DOCK4: variants seen among roughly 807,000 people sequenced by gnomAD.
DOCK4 encodes dedicator of cytokinesis protein 4.
DOCK4 carries 97 observed loss-of-function variants against 268.1 expected under a neutral mutation model. The observed-to-expected ratio is 0.36, with a 90% CI of 0.31 to 0.43. DOCK4 has a LOEUF of 0.43. DOCK4 is among the 20% of genes least tolerant of loss of function. DOCK4 has a pLI of 1.00. For synonymous variants in DOCK4, 954 were observed against 887.2 expected, an observed-to-expected ratio of 1.08 and a Z score of -1.34; for missense variants, 2,145 against 2,455.7, an observed-to-expected ratio of 0.87 and a Z score of 2.67.
intron 1 of DOCK4, among the ~76,000 whole-genome samples, chr7:112,090,856 G>T (rs1168243667): frequency 6.6e-6 from 1 of 152,188 alleles, no homozygotes; most frequent in Admixed American, 6.5e-5. Flanking sequence ...ATCAATTGCA[G>T]TTCAGGGTAA....
chr7:111,895,454 T>C (rs1808664518), intron 16 of DOCK4, among the ~76,000 whole-genome samples, 158 bp downstream of exon 16: 1 of 152,176 alleles, frequency 6.6e-6, no homozygotes. Flanking sequence ...TATAACCCAA[T>C]ATAGAAACAA....
Position 111,895,795 on chromosome 7 carries a change from G to A in DOCK4, c.1481-77C>T, listed in dbSNP as rs144528945. On this transcript the variant is annotated intron_variant, in intron 15 of 52. Coordinates refer to ENST00000428084, the MANE Select transcript of DOCK4 (RefSeq NM_001363540.2). ...TAGTTTGTCAAGAAGCATAATCATC[G>A]AGAAATATAACTCATACACAACAGT... is the stretch of plus-strand genomic sequence containing the variant. 65 of 1,373,666 alleles carry A rather than the reference G, an allele frequency of 4.7e-5. 1 individual carries two copies. In the Middle Eastern group the frequency reaches 5.4e-4, roughly 11 times the overall value. The allele number at this position is 1,373,666 out of a possible 1,614,324, so 85.1% of individuals were successfully genotyped here.
chr7:111,841,713 T>C (rs1803711204), intron 25 of DOCK4, among the ~76,000 whole-genome samples: 1 of 152,140 alleles, frequency 6.6e-6, no homozygotes, highest in Admixed American at 6.5e-5. Context: ...GCAGGAAGGA[T>C]TCTCTTCATG....
intron 26 of DOCK4, among the ~76,000 whole-genome samples, chr7:111,828,504 T>C (rs1036900818): frequency 1.5e-4 from 23 of 152,210 alleles, no homozygotes; most frequent in African/African-American, 5.6e-4. Flanking sequence ...TTTACCTTTC[T>C]TTGAACTGTT....
intron 45 of DOCK4, 40 bp from the exon 46 acceptor site, chr7:111,741,701 A>G: frequency 6.2e-7 from 1 of 1,601,214 alleles, no homozygotes; most frequent in Non-Finnish European, 8.5e-7. Context: ...TACAGTAATG[A>G]TTTGGGCAAA....
At chr7:112,146,057 C>G (rs1815461334) in intron 1 of DOCK4, among the ~76,000 whole-genome samples, 1 of 152,104 alleles carries the variant, frequency 6.6e-6, no homozygotes, top group South Asian at 2.1e-4. Flanking sequence ...ATAACGAAGC[C>G]AAGGATCCAA....
At chr7:111,976,889 CCATTTAATAT>C in intron 8 of DOCK4, 1 of 336,502 alleles carries the variant, frequency 3.0e-6, no homozygotes, top group Non-Finnish European at 5.4e-6. Context: ...TGCCATACTT[CCATTTAATAT>C]CAATTATTCT....
intron 1 of DOCK4, among the ~76,000 whole-genome samples, chr7:112,181,202 G>C (rs1818998782): frequency 6.6e-6 from 1 of 152,138 alleles, no homozygotes; most frequent in African/African-American, 2.4e-5. Context: ...AAGATAATTT[G>C]CTATGATCTA....
chr7:112,134,204 G>A (rs1320107130), intron 1 of DOCK4, among the ~76,000 whole-genome samples: 3 of 152,148 alleles, frequency 2.0e-5, no homozygotes, highest in Admixed American at 6.5e-5. Context: ...AAACAGGGTG[G>A]AGCTTTCACT....
At chr7:111,766,719 C>G (rs1344437181) in intron 38 of DOCK4, among the ~76,000 whole-genome samples, 1 of 152,124 alleles carries the variant, frequency 6.6e-6, no homozygotes, top group Admixed American at 6.6e-5. Flanking sequence ...GTTACAGAAA[C>G]TTATGTGTAA....
At chr7:111,892,462 A>C (rs911062475) in intron 16 of DOCK4, among the ~76,000 whole-genome samples, 2 of 152,192 alleles carry the variant, frequency 1.3e-5, no homozygotes, top group Admixed American at 1.3e-4. Flanking sequence ...TTGGCCTCCC[A>C]AAGTGCTGGG....
In DOCK4 at chr7:112,139,513, G is replaced by A. The variant is rs534429178; in HGVS notation, c.37+66589C>T. 2.4e-4 allele frequency among the ~76,000 whole-genome samples: 36 copies of A among 152,252 alleles called. 1 individual carries two copies. In the South Asian group the frequency reaches 7.3e-3, roughly 31 times the overall value. On this transcript the variant is annotated intron_variant, in intron 1 of 52. Coordinates refer to ENST00000428084, the MANE Select transcript of DOCK4 (RefSeq NM_001363540.2). ...AGCTTAGGAAAAGGGCAATATCCAA[G>A]AATAACCTTATCAAATGTGAAGATG...
In DOCK4 at chr7:111,767,019, C is replaced by A. The variant is rs751341816; in HGVS notation, c.3915+13G>T. 1.2e-6 allele frequency: 2 copies of A among 1,607,050 alleles called. No individual in the cohort carries two copies. Among genetic ancestry groups the A allele is most frequent in the African/African-American group, 2.7e-5 (2 of 74,848 alleles). On this transcript the variant is annotated intron_variant, in intron 38 of 52. Transcript: ENST00000428084. ...AGGCTATGGCCTGATCAGGATGCATCCAGGCACCTTACCCGCATCTTGCTC... is the reference window on the plus strand; with the variant it reads ...AGGCTATGGCCTGATCAGGATGCATACAGGCACCTTACCCGCATCTTGCTC...
chr7:111,847,729 T>C (rs1338008970), intron 23 of DOCK4, among the ~76,000 whole-genome samples: 2 of 152,224 alleles, frequency 1.3e-5, no homozygotes, highest in Non-Finnish European at 2.9e-5. Context: ...GCCTTTCACC[T>C]TCCGCCATGA....
intron 40 of DOCK4, among the ~76,000 whole-genome samples, chr7:111,759,619 T>A (rs1797250720): frequency 6.6e-6 from 1 of 152,114 alleles, no homozygotes; most frequent in Non-Finnish European, 1.5e-5. Flanking sequence ...ACTGCCTTTG[T>A]CTCTAACACC....
chr7:111,960,640 G>T (rs1028326840), intron 8 of DOCK4, among the ~76,000 whole-genome samples: 1 of 145,224 alleles, frequency 6.9e-6, no homozygotes, highest in African/African-American at 2.6e-5. Flanking sequence ...TACAATAGCT[G>T]TCTTGGACTT....
In DOCK4 at chr7:111,728,159, C is replaced by A; in HGVS notation, c.*115G>T. The A allele has an allele frequency of 1.3e-6, 1 of 755,682 alleles. No homozygotes were observed. Among genetic ancestry groups the A allele is most frequent in the Non-Finnish European group, 1.9e-6 (1 of 540,004 alleles). The allele number at this position is 755,682 out of a possible 1,614,324, so 46.8% of individuals were successfully genotyped here. On this transcript the variant is annotated 3_prime_UTR_variant, in exon 53 of 53. Coordinates refer to ENST00000428084, the MANE Select transcript of DOCK4 (RefSeq NM_001363540.2). Reference sequence around the variant, plus strand: ...ATATTTAATAAGCAAGTTTTAATTCCATTCATCGAAGGAGCTGAGTAAGTT... The same window carrying A: ...ATATTTAATAAGCAAGTTTTAATTCAATTCATCGAAGGAGCTGAGTAAGTT...
chr7:111,916,987 T>TTTTTTTTC, intron 12 of DOCK4, among the ~76,000 whole-genome samples: 1 of 90,630 alleles, frequency 1.1e-5, no homozygotes, highest in African/African-American at 3.9e-5. Context: ...CATGTTTTTT[T>TTTTTTTTC]TTTTTTTTTT....
chr7:112,164,999 T>C (rs1243048616), intron 1 of DOCK4, among the ~76,000 whole-genome samples: 2 of 152,166 alleles, frequency 1.3e-5, no homozygotes, highest in Non-Finnish European at 2.9e-5. Context: ...TAGTTAATAT[T>C]AATATTATGT....
Sources: gnomAD v4.1 joint callset for allele counts (sites outside exome capture counted in the v4.1 genomes callset) on GRCh38, gnomAD v4.1.1 for gene constraint, MANE v1.5 for transcripts, NCBI Gene and HGNC (gene_info 2026-07-23, HGNC 2026-07-21) for gene names.